DIP2C: variants seen among roughly 807,000 people sequenced by gnomAD.
DIP2C encodes the protein disco-interacting protein 2 homolog C.
In DIP2C, 33 loss-of-function variants were observed where a neutral mutation model predicts 192.4. The ratio of observed to expected loss-of-function variants is 0.17; its 90% CI spans 0.13 to 0.23. The LOEUF (loss-of-function observed/expected upper bound fraction) is 0.23, where lower values mean the gene tolerates loss of function less well. DIP2C is among the 10% of genes least tolerant of loss of function. The pLI is 1.00. For missense variants in DIP2C, 1,537 were observed against 2,110.1 expected (o/e 0.73, Z 5.32); for synonymous variants, 979 against 864.1 (o/e 1.13, Z -2.33).
At chr10:544,076 T>G (rs1415245580) in intron 1 of DIP2C, among the ~76,000 whole-genome samples, 1 of 150,668 alleles carries the variant, frequency 6.6e-6, no homozygotes, top group African/African-American at 2.5e-5. Context: ...GTACAGTGCG[T>G]GACCTTTAGC....
Position 528,101 on chromosome 10 carries a change from A to T in DIP2C, c.86-41571T>A, listed in dbSNP as rs1333200491. 2.0e-5 allele frequency among the ~76,000 whole-genome samples: 3 copies of T among 152,176 alleles called. No homozygotes were observed. The East Asian group carries it at 5.8e-4, about 29-fold the overall frequency. Reference sequence around the variant, plus strand: ...TGGATCCCTGAATACCTCATGGAGCAGTCACCAGCCTGGAACATCCCCCCT... The same window carrying T: ...TGGATCCCTGAATACCTCATGGAGCTGTCACCAGCCTGGAACATCCCCCCT... On this transcript the variant is annotated intron_variant, in intron 1 of 36. Coordinates refer to ENST00000280886, the MANE Select transcript of DIP2C (RefSeq NM_014974.3).
intron 1 of DIP2C, among the ~76,000 whole-genome samples, chr10:620,085 G>A (rs760582883): frequency 5.9e-5 from 9 of 152,188 alleles, no homozygotes; most frequent in South Asian, 2.1e-4. Context: ...TAGTGATTGC[G>A]ATCAGGGTCA....
chr10:424,784 T>C (rs1269938343), intron 4 of DIP2C, among the ~76,000 whole-genome samples: 2 of 152,228 alleles, frequency 1.3e-5, no homozygotes, highest in South Asian at 2.1e-4. Context: ...CTCCCCAGAA[T>C]GTCTTCTCAC....
At chr10:514,890 G>A (rs1846251738) in intron 1 of DIP2C, among the ~76,000 whole-genome samples, 1 of 152,136 alleles carries the variant, frequency 6.6e-6, no homozygotes, top group Non-Finnish European at 1.5e-5. Context: ...AAAATTCTAG[G>A]TGCCTGCAAT....
intron 7 of DIP2C, among the ~76,000 whole-genome samples, chr10:414,715 G>GTA (rs1965433614): frequency 1.4e-5 from 1 of 69,702 alleles, no homozygotes; most frequent in African/African-American, 5.9e-5. Context: ...GTATGTGTGT[G>GTA]TGTGTGTGTG....
chr10:577,466 C>G (rs976537305), intron 1 of DIP2C, among the ~76,000 whole-genome samples: 1 of 152,246 alleles, frequency 6.6e-6, no homozygotes, highest in Admixed American at 6.5e-5. Flanking sequence ...TCACCAAGCT[C>G]TCTATGAAGG....
At chr10:596,438 G>A (rs1249291270) in intron 1 of DIP2C, among the ~76,000 whole-genome samples, 1 of 134,452 alleles carries the variant, frequency 7.4e-6, no homozygotes, top group Non-Finnish European at 1.5e-5. Flanking sequence ...AGAGGTTGCA[G>A]TGAGCCGAGA....
chr10:384,044 G>C lies in DIP2C; in HGVS notation c.1859C>G (p.Ala620Gly). 1 of 1,604,486 alleles carries C rather than the reference G, an allele frequency of 6.2e-7. No individual in the cohort carries two copies. Among genetic ancestry groups the C allele is most frequent in the South Asian group, 1.1e-5 (1 of 89,314 alleles). Reference sequence around the variant, plus strand: ...TCACTTACAGGGGTTCGCGCCGTCCGCCACTATCAGCATTCGCAGAGAGGA... The same window carrying C: ...TCACTTACAGGGGTTCGCGCCGTCCCCCACTATCAGCATTCGCAGAGAGGA... ...NLSSLRMLIV[A>G]DGANPWSISS... The change falls in exon 16 of 37, where the codon GCG becomes GGG. Residue 620 changes from alanine to glycine, a missense_variant. By Grantham distance (60) the Ala-to-Gly change is moderately conservative. Transcript: ENST00000280886.
At chr10:373,188 A>G (rs1343786604) in intron 17 of DIP2C, among the ~76,000 whole-genome samples, 1 of 152,168 alleles carries the variant, frequency 6.6e-6, no homozygotes, top group African/African-American at 2.4e-5. Flanking sequence ...CAGGACACTG[A>G]GTGAATCAGT....
rs796339029 is a variant in DIP2C, at chr10:682,476, G to GA, written c.85+7017dup. 1.7e-3 allele frequency among the ~76,000 whole-genome samples: 249 copies of GA among 143,788 alleles called. 3 individuals are homozygous for GA. The East Asian group carries it at 0.022, about 13-fold the overall frequency. 94.3% of individuals were successfully genotyped at this position (143,788 alleles called of 152,430 possible). ...ACCCAAATTTACATTAAAGTTAAAGGAAAAAAAAAAACTAAACCAAACACC... is the reference window on the plus strand; with the variant it reads ...ACCCAAATTTACATTAAAGTTAAAGGAAAAAAAAAAAACTAAACCAAACACC... On this transcript the variant is annotated intron_variant, in intron 1 of 36. Transcript: ENST00000280886.
chr10:550,013 T>G (rs1451942751), intron 1 of DIP2C, among the ~76,000 whole-genome samples: 2 of 150,920 alleles, frequency 1.3e-5, no homozygotes, highest in African/African-American at 4.9e-5. Flanking sequence ...TAGCTTTTTT[T>G]TTTTTTTTTT....
At position 431,363 on chromosome 10, in the gene DIP2C, G is replaced by A. The variant is rs539830197; in HGVS notation, c.395-8330C>T. 2.0e-5 allele frequency among the ~76,000 whole-genome samples: 3 copies of A among 152,310 alleles called. No individual in the cohort carries two copies. In the East Asian group the frequency reaches 5.8e-4, roughly 29 times the overall value. The stretch of plus-strand genomic sequence containing the variant: ...TTTAGTTTTTCTGTGAATGAGTTTT[G>A]TAGTTTTCCTCATAAGATCTTGAAC... On this transcript the variant is annotated intron_variant, in intron 4 of 36. Transcript: ENST00000280886.
chr10:614,956 CAA>C (rs1435830121), intron 1 of DIP2C, among the ~76,000 whole-genome samples: 4 of 152,180 alleles, frequency 2.6e-5, no homozygotes, highest in African/African-American at 7.2e-5. Context: ...AGCCAAGAGA[CAA>C]GAGACAATGA....
intron 14 of DIP2C, among the ~76,000 whole-genome samples, chr10:385,309 C>T (rs953021100): frequency 1.3e-5 from 2 of 152,182 alleles, no homozygotes; most frequent in African/African-American, 4.8e-5. Flanking sequence ...GGGTGTAATC[C>T]TTTAAAACAT....
intron 1 of DIP2C, among the ~76,000 whole-genome samples, chr10:552,813 C>A (rs1452529959): frequency 1.3e-5 from 2 of 152,220 alleles, no homozygotes; most frequent in African/African-American, 4.8e-5. Context: ...CATGTCACTG[C>A]ACTCCAGCCT....
chr10:670,900 T>C (rs1830602763), intron 1 of DIP2C, among the ~76,000 whole-genome samples: 1 of 152,226 alleles, frequency 6.6e-6, no homozygotes, highest in African/African-American at 2.4e-5. Flanking sequence ...ATTCAGGGTA[T>C]ATGAAGTAAA....
chr10:424,848 G>A (rs1257185135), intron 4 of DIP2C, among the ~76,000 whole-genome samples: 1 of 152,174 alleles, frequency 6.6e-6, no homozygotes, highest in Non-Finnish European at 1.5e-5. Context: ...CAAGAAACCT[G>A]AAGGATAATA....
chr10:533,377 C>A (rs1028466792), intron 1 of DIP2C, among the ~76,000 whole-genome samples: 6 of 152,170 alleles, frequency 3.9e-5, no homozygotes, highest in Non-Finnish European at 7.3e-5. Context: ...ACACAGCTTT[C>A]TCAAGGCCGC....
chr10:677,387 GCCCC>G (rs1830913192), intron 1 of DIP2C, among the ~76,000 whole-genome samples: 1 of 152,104 alleles, frequency 6.6e-6, no homozygotes, highest in South Asian at 2.1e-4. Context: ...TACTCCAACT[GCCCC>G]CTTGCTTAAA....
Sources: gnomAD v4.1 joint callset for allele counts (sites outside exome capture counted in the v4.1 genomes callset) on GRCh38, gnomAD v4.1.1 for gene constraint, MANE v1.5 for transcripts, NCBI Gene and HGNC (gene_info 2026-07-23, HGNC 2026-07-21) for gene names.